Variants in DLG2 observed in about 807,000 individuals in gnomAD.
DLG2 encodes the protein discs large MAGUK scaffold protein 2.
Under a neutral mutation model 132.5 loss-of-function variants are expected in DLG2, and 45 were observed. The ratio of observed to expected loss-of-function variants is 0.34; its 90% CI spans 0.27 to 0.44. DLG2 has a LOEUF of 0.44. DLG2 is among the 20% of genes least tolerant of loss of function. The probability of loss-of-function intolerance (pLI) is 1.00; values close to 1 mark genes in which losing one functional copy is unlikely to be tolerated. For missense variants in DLG2, 1,045 were observed against 1,196.9 expected, an observed-to-expected ratio of 0.87 and a Z score of 1.87; for synonymous variants, 424 against 419.6, an observed-to-expected ratio of 1.01 and a Z score of -0.13.
At chr11:83,600,162 A>AG (rs1370916558) in intron 19 of DLG2, among the ~76,000 whole-genome samples, 1 of 152,052 alleles carries the variant, frequency 6.6e-6, no homozygotes, top group Non-Finnish European at 1.5e-5. Flanking sequence ...AGCTCATGAT[A>AG]GAGAGATTAT....
At chr11:85,250,557 A>G (rs1016640633) in intron 4 of DLG2, among the ~76,000 whole-genome samples, 1 of 152,150 alleles carries the variant, frequency 6.6e-6, no homozygotes, top group Non-Finnish European at 1.5e-5. Context: ...TTTTTCTTGC[A>G]AGAAGATTAT....
At chr11:83,504,344 G>A (rs910057453) in intron 21 of DLG2, among the ~76,000 whole-genome samples, 1 of 152,088 alleles carries the variant, frequency 6.6e-6, no homozygotes, top group Non-Finnish European at 1.5e-5. Context: ...TTGGGTTATT[G>A]TAGTTTCCCA....
At chr11:85,003,410 A>T (rs903126943) in intron 6 of DLG2, among the ~76,000 whole-genome samples, 43 of 152,232 alleles carry the variant, frequency 2.8e-4, no homozygotes, top group Admixed American at 8.5e-4. Flanking sequence ...ATATACTAAA[A>T]TAATGATTTT....
At chr11:85,226,510 G>A (rs889440366) in intron 4 of DLG2, among the ~76,000 whole-genome samples, 14 of 152,118 alleles carry the variant, frequency 9.2e-5, no homozygotes, top group African/African-American at 2.4e-4. Flanking sequence ...CTATGATCTC[G>A]CCACTACGCT....
intron 16 of DLG2, among the ~76,000 whole-genome samples, chr11:83,854,495 G>A (rs1036435894): frequency 6.6e-6 from 1 of 152,078 alleles, no homozygotes; most frequent in Non-Finnish European, 1.5e-5. Context: ...TATGGTATTG[G>A]TGAAAGAGGA....
intron 7 of DLG2, among the ~76,000 whole-genome samples, chr11:84,308,541 C>T (rs1032084315): frequency 2.0e-5 from 3 of 152,242 alleles, no homozygotes; most frequent in Non-Finnish European, 2.9e-5. Flanking sequence ...AGTCCCCCGC[C>T]GTGCGCCCGC....
chr11:83,856,409 C>G (rs2060542453), intron 16 of DLG2, among the ~76,000 whole-genome samples: 1 of 152,204 alleles, frequency 6.6e-6, no homozygotes, highest in South Asian at 2.1e-4. Flanking sequence ...AATTGCCACA[C>G]TGCTTTCCAC....
At chr11:85,591,898 A>C (rs1013563843) in intron 3 of DLG2, among the ~76,000 whole-genome samples, 1 of 152,250 alleles carries the variant, frequency 6.6e-6, no homozygotes, top group African/African-American at 2.4e-5. Context: ...AAAGTGTTCA[A>C]TAAATATCCT....
At chr11:84,618,975 A>G (rs552770306) in intron 6 of DLG2, among the ~76,000 whole-genome samples, 2 of 152,222 alleles carry the variant, frequency 1.3e-5, no homozygotes, top group South Asian at 4.1e-4. Context: ...TCATTGATAG[A>G]TGATGTAGGT....
At chr11:84,860,635 A>C (rs2083473870) in intron 6 of DLG2, among the ~76,000 whole-genome samples, 1 of 152,108 alleles carries the variant, frequency 6.6e-6, no homozygotes, top group Admixed American at 6.6e-5. Context: ...GTGTCTGTAA[A>C]ATAATAATAA....
intron 11 of DLG2, among the ~76,000 whole-genome samples, chr11:84,048,532 G>A (rs1463087494): frequency 1.3e-5 from 2 of 151,664 alleles, no homozygotes; most frequent in African/African-American, 2.4e-5. Flanking sequence ...CCCAGGACAT[G>A]AGCCTGAATA....
intron 11 of DLG2, among the ~76,000 whole-genome samples, chr11:84,021,223 C>T (rs547676631): frequency 1.3e-5 from 2 of 152,168 alleles, no homozygotes; most frequent in South Asian, 4.2e-4. Flanking sequence ...TTATTCTCAT[C>T]TTACAGAAAA....
At chr11:85,458,187 C>G (rs1385062406) in intron 3 of DLG2, among the ~76,000 whole-genome samples, 2 of 152,118 alleles carry the variant, frequency 1.3e-5, no homozygotes, top group African/African-American at 4.8e-5. Flanking sequence ...AAGACAGTCT[C>G]TAAGCTTTGA....
intron 19 of DLG2, among the ~76,000 whole-genome samples, chr11:83,610,401 G>A (rs893958744): frequency 6.6e-6 from 1 of 152,212 alleles, no homozygotes; most frequent in African/African-American, 2.4e-5. Context: ...TTCGACTTGT[G>A]AGACATGATT....
At chr11:83,608,705 A>G (rs1041504517) in intron 19 of DLG2, among the ~76,000 whole-genome samples, 2 of 150,398 alleles carry the variant, frequency 1.3e-5, no homozygotes, top group African/African-American at 4.9e-5. Context: ...TAAATAAATC[A>G]GGACACACAC....
At chr11:85,177,290 C>CATATAT (rs775377459) in intron 4 of DLG2, among the ~76,000 whole-genome samples, 12 of 146,754 alleles carry the variant, frequency 8.2e-5, no homozygotes, top group African/African-American at 2.6e-4. Context: ...TACATATACA[C>CATATAT]ACACACACAC....
chr11:84,996,394 T>A (rs1432877475), intron 6 of DLG2, among the ~76,000 whole-genome samples: 1 of 152,150 alleles, frequency 6.6e-6, no homozygotes, highest in Non-Finnish European at 1.5e-5. Context: ...ATTTTATTTA[T>A]CTTAATCTCT....
chr11:85,029,555 A>G (rs769551438), intron 6 of DLG2, among the ~76,000 whole-genome samples: 1 of 152,242 alleles, frequency 6.6e-6, no homozygotes, highest in Non-Finnish European at 1.5e-5. Flanking sequence ...ATCAGAAAAG[A>G]GAGTAAAGCT....
intron 16 of DLG2, among the ~76,000 whole-genome samples, chr11:83,834,650 G>T (rs2055604021): frequency 6.6e-6 from 1 of 152,118 alleles, no homozygotes; most frequent in Admixed American, 6.5e-5. Flanking sequence ...CAAAGAATAG[G>T]AATATGGGCC....
Sources: allele counts gnomAD v4.1 joint callset (sites outside exome capture counted in the v4.1 genomes callset), GRCh38; gene constraint gnomAD v4.1.1; transcripts MANE v1.5; gene names NCBI Gene and HGNC (gene_info 2026-07-23, HGNC 2026-07-21).